The following SPPL3 variants were observed in gnomAD, a reference collection of about 807,000 sequenced individuals.
SPPL3 encodes the protein signal peptide peptidase like 3.
Under a neutral mutation model 42.4 loss-of-function variants are expected in SPPL3, and 5 were observed. That is an observed-to-expected ratio of 0.12 (90% CI 0.06 to 0.25). The LOEUF (loss-of-function observed/expected upper bound fraction) is 0.25, where lower values mean the gene tolerates loss of function less well. Ranked by LOEUF, SPPL3 falls within the 10% of genes least tolerant of loss-of-function variation. The pLI, the probability that SPPL3 is intolerant of heterozygous loss-of-function variation, is 1.00. For missense variants in SPPL3, 235 were observed against 489.0 expected, an observed-to-expected ratio of 0.48 and a Z score of 4.90; for synonymous variants, 195 against 181.8, an observed-to-expected ratio of 1.07 and a Z score of -0.58.
intron 2 of SPPL3, among the ~76,000 whole-genome samples, chr12:120,797,636 G>A (rs1870148483): frequency 6.6e-6 from 1 of 152,048 alleles, no homozygotes; most frequent in Non-Finnish European, 1.5e-5. Context: ...TTTAAGTGAA[G>A]GAAAAGGCCT....
intron 2 of SPPL3, among the ~76,000 whole-genome samples, chr12:120,809,379 T>C (rs6489781): frequency 0.24 from 36,305 of 151,794 alleles, 5,527 homozygotes; most frequent in African/African-American, 0.42. Context: ...CTTTTATCGG[T>C]GTATACTGAA....
chr12:120,789,451 C>A (rs74353116), intron 3 of SPPL3, among the ~76,000 whole-genome samples: 589 of 96,140 alleles, frequency 6.1e-3, no homozygotes, highest in South Asian at 0.012. Context: ...GACTCTGTCT[C>A]AAAAAAAAAA....
At chr12:120,861,234 G>A (rs1360912492) in intron 1 of SPPL3, among the ~76,000 whole-genome samples, 1 of 152,062 alleles carries the variant, frequency 6.6e-6, no homozygotes, top group Non-Finnish European at 1.5e-5. Context: ...AGCCATAGAT[G>A]ATATGTAAAC....
rs1055106262 is a variant in SPPL3, at chr12:120,785,088, T to C, written c.191-495A>G. ...GGGGGAGAAGGAGGACAACAAGTCA[T>C]AGCTGAAAACAGCAAATCAGAAAAA... On this transcript the variant is annotated intron_variant, in intron 3 of 10. Transcript: ENST00000353487. Among the ~76,000 whole-genome samples, 3 of 152,124 alleles carry C rather than the reference T, an allele frequency of 2.0e-5. No individual in the cohort carries two copies. In the South Asian group the frequency reaches 6.2e-4, roughly 32 times the overall value.
intron 2 of SPPL3, among the ~76,000 whole-genome samples, chr12:120,792,300 T>G (rs762653461): frequency 1.3e-5 from 2 of 152,162 alleles, no homozygotes; most frequent in Non-Finnish European, 2.9e-5. Context: ...GATTTAGAAT[T>G]CTTTAACCAG....
rs540402026 is a variant in SPPL3, at chr12:120,838,437, A to AG, written c.24-27552dup. 5.9e-5 allele frequency among the ~76,000 whole-genome samples: 9 copies of AG among 152,330 alleles called. 1 individual carries two copies. The South Asian group carries it at 1.9e-3, about 32-fold the overall frequency. On this transcript the variant is annotated intron_variant, in intron 1 of 10. Transcript: ENST00000353487. ...CCAAAAACAAGCACACAGCCAAGGC[A>AG]GATCAATCAGGGGCCAAGAAGATTT... is the stretch of plus-strand genomic sequence containing the variant.
At chr12:120,795,419 G>A (rs1461622555) in intron 2 of SPPL3, among the ~76,000 whole-genome samples, 4 of 152,206 alleles carry the variant, frequency 2.6e-5, no homozygotes, top group Non-Finnish European at 5.9e-5. Context: ...CTGGTGATGA[G>A]ATGAATTCTT....
intron 1 of SPPL3, among the ~76,000 whole-genome samples, chr12:120,882,672 T>C (rs1873328019): frequency 6.6e-6 from 1 of 152,186 alleles, no homozygotes; most frequent in African/African-American, 2.4e-5. Context: ...ATATTTAATT[T>C]TAAAAAGCAT....
chr12:120,766,521 G>C (rs1052252409), intron 9 of SPPL3, 149 bp from the exon 10 acceptor site: 2 of 566,380 alleles, frequency 3.5e-6, no homozygotes, highest in African/African-American at 3.8e-5. Context: ...GGCAGTTGAA[G>C]AAATGTGGAT....
In SPPL3 at chr12:120,764,265, G is replaced by A. The variant is rs959018755; in HGVS notation, c.*734C>T. ...AGCAAGCCCCTGTCAGCTACACAGC[G>A]TGATCTTAGCAGGATTTCATTTTTG... is the stretch of plus-strand genomic sequence containing the variant. On this transcript the variant is annotated 3_prime_UTR_variant, in exon 11 of 11. Coordinates refer to ENST00000353487, the MANE Select transcript of SPPL3 (RefSeq NM_139015.5). 1 of 152,406 alleles carries A rather than the reference G, an allele frequency of 6.6e-6. No homozygotes were observed. Among genetic ancestry groups the A allele is most frequent in the Non-Finnish European group, 1.5e-5 (1 of 68,042 alleles). 9.4% of individuals were successfully genotyped at this position (152,406 alleles called of 1,614,324 possible).
At chr12:120,878,772 T>C (rs2137055625) in intron 1 of SPPL3, among the ~76,000 whole-genome samples, 1 of 152,268 alleles carries the variant, frequency 6.6e-6, no homozygotes, top group East Asian at 1.9e-4. Context: ...TACCATATCA[T>C]ACACACTGAA....
intron 1 of SPPL3, among the ~76,000 whole-genome samples, chr12:120,847,142 G>A (rs774859182): frequency 6.6e-6 from 1 of 151,908 alleles, no homozygotes; most frequent in Admixed American, 6.6e-5. Context: ...AAAACCAAAC[G>A]TAAGGAAAAG....
intron 1 of SPPL3, among the ~76,000 whole-genome samples, chr12:120,886,605 C>G (rs1873467176): frequency 2.0e-5 from 3 of 152,186 alleles, no homozygotes; most frequent in Admixed American, 6.5e-5. Flanking sequence ...TTTTCTTCCT[C>G]CTGTGAATTT....
At chr12:120,791,377 C>A (rs1222771922) in intron 3 of SPPL3, 92 bp downstream of exon 3, 6 of 841,474 alleles carry the variant, frequency 7.1e-6, no homozygotes, top group Non-Finnish European at 1.1e-5. Flanking sequence ...ATCATAAATC[C>A]TTGAACCCAG....
chr12:120,766,089 A>AGCGCGC (rs762176472), intron 10 of SPPL3, among the ~76,000 whole-genome samples, 174 bp downstream of exon 10: 9 of 142,770 alleles, frequency 6.3e-5, no homozygotes, highest in South Asian at 4.8e-4. Flanking sequence ...ACGCCAGGGT[A>AGCGCGC]GCGCGCGCGC....
intron 6 of SPPL3, among the ~76,000 whole-genome samples, chr12:120,771,557 C>CT (rs74918067): frequency 6.6e-6 from 1 of 151,608 alleles, no homozygotes; most frequent in Non-Finnish European, 1.5e-5. Flanking sequence ...ATAATTTCTT[C>CT]TTTTTTTTAA....
At chr12:120,897,540 G>A (rs926838798) in intron 1 of SPPL3, among the ~76,000 whole-genome samples, 6 of 152,020 alleles carry the variant, frequency 3.9e-5, no homozygotes, top group African/African-American at 7.2e-5. Flanking sequence ...TAGCTAACAC[G>A]GTGAAACCCC....
intron 8 of SPPL3, 70 bp downstream of exon 8, chr12:120,768,255 A>G (rs1008110271): frequency 2.0e-6 from 3 of 1,533,584 alleles, no homozygotes. Flanking sequence ...ATGACATTAG[A>G]GACTGATCAA....
intron 1 of SPPL3, among the ~76,000 whole-genome samples, chr12:120,833,174 G>C (rs980793766): frequency 6.6e-6 from 1 of 152,144 alleles, no homozygotes; most frequent in Non-Finnish European, 1.5e-5. Flanking sequence ...GAAAATGTGA[G>C]ATCCATTAGG....
Sources: gnomAD v4.1 joint callset for allele counts (sites outside exome capture counted in the v4.1 genomes callset) on GRCh38, gnomAD v4.1.1 for gene constraint, MANE v1.5 for transcripts, NCBI Gene and HGNC (gene_info 2026-07-23, HGNC 2026-07-21) for gene names.